NWD1: variants seen among roughly 807,000 people sequenced by gnomAD.
NWD1 encodes NACHT domain- and WD repeat-containing protein 1.
A neutral mutation model predicts 135.1 loss-of-function variants in NWD1; 129 were observed. The observed-to-expected ratio is 0.96, with a 90% confidence interval of 0.83 to 1.11. NWD1 has a LOEUF of 1.11. Ranked by LOEUF, NWD1 falls within the 50% of genes least tolerant of loss-of-function variation. NWD1 has a pLI of 0.00. For synonymous variants in NWD1, 773 were observed against 786.0 expected (o/e 0.98, Z 0.28); for missense variants, 1,740 against 1,851.3 (o/e 0.94, Z 1.10).
chr19:16,775,811 GCA>G, intron 11 of NWD1, among the ~76,000 whole-genome samples: 2 of 152,128 alleles, frequency 1.3e-5, no homozygotes, highest in East Asian at 3.9e-4. Flanking sequence ...GGGATTACAG[GCA>G]CATGCCACCA....
At chr19:16,738,210 G>T (rs1000156594) in intron 4 of NWD1, 7 of 454,492 alleles carry the variant, frequency 1.5e-5, no homozygotes, top group Non-Finnish European at 2.7e-5. Flanking sequence ...AGTATTGACT[G>T]TCTGACTTTT....
chr19:16,762,265 G>T (rs1969047581), intron 8 of NWD1, 127 bp downstream of exon 8: 1 of 754,272 alleles, frequency 1.3e-6, no homozygotes, highest in African/African-American at 1.8e-5. Context: ...CGCACAGAGG[G>T]CAAGATGTCC....
intron 14 of NWD1, among the ~76,000 whole-genome samples, chr19:16,792,744 G>C (rs1970289725): frequency 6.6e-6 from 1 of 151,562 alleles, no homozygotes; most frequent in South Asian, 2.1e-4. Flanking sequence ...GGGTGTGGTG[G>C]TGGGTGCCTG....
rs1970810110 is a variant in NWD1 at position 16,808,033 on chromosome 19, A to C, written c.4184A>C (p.Glu1395Ala). 2 of 1,614,048 alleles carry C rather than the reference A, an allele frequency of 1.2e-6. No homozygotes were observed. Among genetic ancestry groups the C allele is most frequent in the East Asian group, 4.5e-5 (2 of 44,878 alleles). Residue 1395 changes from glutamate (E) to alanine (A), a missense_variant, in exon 18 of 19, where the codon GAG becomes GCG. Physicochemically the swap from Glu to Ala is moderately radical, Grantham distance 107 (BLOSUM62 -1). Transcript: ENST00000524140. ...CACAGGAGCCGAGTTGCCTGTGTGGAGGTCAGCCACAAGGAGCAGCTGGTG... is the reference window on the plus strand; with the variant it reads ...CACAGGAGCCGAGTTGCCTGTGTGGCGGTCAGCCACAAGGAGCAGCTGGTG... ...ETHRSRVACV[E>A]VSHKEQLVVS...
chr19:16,760,800 C>T (rs1176600323), intron 7 of NWD1, among the ~76,000 whole-genome samples: 2 of 151,594 alleles, frequency 1.3e-5, no homozygotes, highest in Admixed American at 6.6e-5. Context: ...ATGTTGGCCA[C>T]GCTGGTCTCA....
In NWD1 at chr19:16,731,218, C is replaced by A; in HGVS notation, c.21C>A (p.Cys7Ter). Residue 7 changes from cysteine (C) to a stop codon, truncating the protein, a stop_gained, in exon 3 of 19, where the codon TGC becomes TGA. Coordinates refer to ENST00000524140, the MANE Select transcript of NWD1 (RefSeq NM_001007525.5). LOFTEE classifies it high-confidence loss of function. Reference sequence around the variant, plus strand: ...TATGGATGCAGAGAGGGAAGCCCTGCAGAGCACTGCCTACCCTGAAGTGCC... The same window carrying A: ...TATGGATGCAGAGAGGGAAGCCCTGAAGAGCACTGCCTACCCTGAAGTGCC... MQRGKP[C>*]RALPTLKCQT... 1 of 1,534,370 alleles carries A rather than the reference C, an allele frequency of 6.5e-7. No individual in the cohort carries two copies. Among genetic ancestry groups the A allele is most frequent in the Non-Finnish European group, 8.7e-7 (1 of 1,145,220 alleles).
intron 18 of NWD1, 101 bp from the exon 19 acceptor site, chr19:16,814,927 C>A: frequency 1.0e-6 from 1 of 963,124 alleles, no homozygotes; most frequent in Non-Finnish European, 1.6e-6. Flanking sequence ...TAGTAGAGGG[C>A]ATAGCAGGAA....
intron 6 of NWD1, among the ~76,000 whole-genome samples, chr19:16,751,842 A>G (rs769545360): frequency 1.3e-5 from 2 of 148,926 alleles, no homozygotes; most frequent in Non-Finnish European, 3.0e-5. Context: ...AGGAAGGAAG[A>G]TAGTAAGAAA....
chr19:16,742,310 G>A (rs2122761648), intron 4 of NWD1, among the ~76,000 whole-genome samples: 1 of 152,264 alleles, frequency 6.6e-6, no homozygotes, highest in East Asian at 1.9e-4. Context: ...AGGAGGCAGA[G>A]GTTGCAGTGA....
In NWD1 at chr19:16,735,888, G is replaced by A. The variant is rs1967790092; in HGVS notation, c.82-746G>A. 3.1e-5 allele frequency among the ~76,000 whole-genome samples: 4 copies of A among 129,482 alleles called. No homozygotes were observed. The South Asian group carries it at 7.0e-4, about 23-fold the overall frequency. The allele number at this position is 129,482 out of a possible 152,430, so 84.9% of individuals were successfully genotyped here. ...AAGGAGGAAGGAAGGAAGGAAGGAA[G>A]GAAGGAAGGATTTTCCAGTGAGACA... On this transcript the variant is annotated intron_variant, in intron 3 of 18. Transcript: ENST00000524140.
At chr19:16,805,334 C>T (rs1403172270) in intron 17 of NWD1, among the ~76,000 whole-genome samples, 1 of 152,052 alleles carries the variant, frequency 6.6e-6, no homozygotes, top group Non-Finnish European at 1.5e-5. Flanking sequence ...GCTAGGATTA[C>T]AGGTGTGCAC....
chr19:16,767,207 T>G, intron 10 of NWD1, among the ~76,000 whole-genome samples: 1 of 123,990 alleles, frequency 8.1e-6, no homozygotes, highest in African/African-American at 3.1e-5. Flanking sequence ...TGAGACAGAG[T>G]CTCGCTCTGT....
At chr19:16,806,638 G>A (rs1179536455) in intron 17 of NWD1, among the ~76,000 whole-genome samples, 1 of 152,060 alleles carries the variant, frequency 6.6e-6, no homozygotes, top group Non-Finnish European at 1.5e-5. Flanking sequence ...TAGAGCCTGA[G>A]AGGTTGAGGC....
chr19:16,792,224 G>A (rs1970271278), intron 14 of NWD1, among the ~76,000 whole-genome samples: 1 of 152,096 alleles, frequency 6.6e-6, no homozygotes, highest in Admixed American at 6.6e-5. Flanking sequence ...GGTGGTTGGT[G>A]GACGGCTGCT....
chr19:16,730,911 C>CTTT (rs11445714), intron 2 of NWD1, among the ~76,000 whole-genome samples: 16 of 122,876 alleles, frequency 1.3e-4, no homozygotes, highest in South Asian at 5.2e-4. Flanking sequence ...TTCTTTCTTT[C>CTTT]TTTTTTTTTT....
In NWD1 at chr19:16,749,153, A is replaced by G. The variant is rs190135809; in HGVS notation, c.511A>G (p.Ile171Val). The change falls in exon 6 of 19, where the codon ATA becomes GTA. Residue 171 changes from isoleucine to valine, a missense_variant. Physicochemically the swap from Ile to Val is conservative, Grantham distance 29. Transcript: ENST00000524140. The part of the protein sequence containing the change: ...HYHRSVIEWE[I>V]ERSLLSSEDR... ...CACTTTGGCAGTCATTGAGTGGGAGATAGAGCGGAGCCTGCTGAGCTCAGA... is the reference window on the plus strand; with the variant it reads ...CACTTTGGCAGTCATTGAGTGGGAGGTAGAGCGGAGCCTGCTGAGCTCAGA... 24 of 1,602,280 alleles carry G rather than the reference A, an allele frequency of 1.5e-5. No individual in the cohort carries two copies. In the African/African-American group the frequency reaches 2.5e-4, roughly 17 times the overall value.
chr19:16,747,487 C>T (rs1968375198), intron 5 of NWD1, among the ~76,000 whole-genome samples: 1 of 151,976 alleles, frequency 6.6e-6, no homozygotes, highest in Non-Finnish European at 1.5e-5. Context: ...AGCAATCCTC[C>T]CACCTCAGCC....
intron 6 of NWD1, among the ~76,000 whole-genome samples, chr19:16,752,094 C>A (rs1416448730): frequency 6.6e-6 from 1 of 152,178 alleles, no homozygotes; most frequent in African/African-American, 2.4e-5. Context: ...TTGTCCTCTG[C>A]CAATTGGCAG....
At chr19:16,767,308 C>A (rs1270591167) in intron 10 of NWD1, among the ~76,000 whole-genome samples, 8 of 150,924 alleles carry the variant, frequency 5.3e-5, no homozygotes, top group Non-Finnish European at 1.5e-5. Context: ...AGAGAGGGAG[C>A]AACTGCCTTA....
Sources: allele counts gnomAD v4.1 joint callset (sites outside exome capture counted in the v4.1 genomes callset), GRCh38; gene constraint gnomAD v4.1.1; transcripts MANE v1.5; gene names NCBI Gene and HGNC (gene_info 2026-07-23, HGNC 2026-07-21).